The following SUGCT variants were observed in gnomAD, a reference collection of about 807,000 sequenced individuals.
The protein encoded by SUGCT is succinyl-CoA:glutarate CoA-transferase.
In SUGCT, 41 loss-of-function variants were observed where a neutral mutation model predicts 55.0. That is an observed-to-expected ratio of 0.74 (90% CI 0.58 to 0.97). The LOEUF (loss-of-function observed/expected upper bound fraction) is 0.97, where lower values mean the gene tolerates loss of function less well. SUGCT is among the 50% of genes least tolerant of loss of function. SUGCT has a pLI of 0.00. For synonymous variants in SUGCT, 187 were observed against 200.4 expected (o/e 0.93, Z 0.56); for missense variants, 568 against 547.8 (o/e 1.04, Z -0.37).
chr7:40,948,563 G>A, the SUGCT span, among the ~76,000 whole-genome samples: 39 of 152,086 alleles, frequency 2.6e-4, no homozygotes, highest in African/African-American at 6.5e-4. Flanking sequence ...CCATCAACCC[G>A]TCATCTACAC....
intron 6 of SUGCT, among the ~76,000 whole-genome samples, chr7:40,220,492 A>G (rs570531416): frequency 6.6e-6 from 1 of 152,332 alleles, no homozygotes; most frequent in African/African-American, 2.4e-5. Context: ...AAGCCAAGTG[A>G]TAGTCCCTGA....
chr7:40,648,012 C>T (rs1438666282), intron 12 of SUGCT, among the ~76,000 whole-genome samples: 2 of 152,146 alleles, frequency 1.3e-5, no homozygotes, highest in Non-Finnish European at 2.9e-5. Context: ...TGCATATTCA[C>T]AACTATCAGA....
intron 9 of SUGCT, among the ~76,000 whole-genome samples, chr7:40,353,299 C>G (rs1797732213): frequency 6.6e-6 from 1 of 152,074 alleles, no homozygotes; most frequent in South Asian, 2.1e-4. Flanking sequence ...AAAGGGTACT[C>G]ATAGACCAGC....
chr7:40,295,943 TGCC>T (rs1347244962), intron 8 of SUGCT, among the ~76,000 whole-genome samples: 1 of 152,214 alleles, frequency 6.6e-6, no homozygotes, highest in Non-Finnish European at 1.5e-5. Flanking sequence ...TGATTTACTT[TGCC>T]ATGTGTAGGG....
intron 12 of SUGCT, among the ~76,000 whole-genome samples, chr7:40,644,612 C>G (rs1800415593): frequency 2.0e-5 from 3 of 152,216 alleles, no homozygotes; most frequent in Admixed American, 2.0e-4. Context: ...CACAGGCACT[C>G]TCTGCTCAGG....
chr7:40,906,835 A>G, the SUGCT span, among the ~76,000 whole-genome samples: 20 of 152,192 alleles, frequency 1.3e-4, no homozygotes, highest in African/African-American at 4.8e-4. Context: ...AAGCACATTG[A>G]TTGCTGCATA....
intron 12 of SUGCT, among the ~76,000 whole-genome samples, chr7:40,636,310 C>T (rs992220520): frequency 6.6e-6 from 1 of 152,114 alleles, no homozygotes; most frequent in Non-Finnish European, 1.5e-5. Context: ...CCAGAACCCC[C>T]TTGACCTCTA....
At chr7:40,286,029 A>G (rs185885649) in intron 8 of SUGCT, among the ~76,000 whole-genome samples, 22 of 152,328 alleles carry the variant, frequency 1.4e-4, no homozygotes, top group African/African-American at 5.1e-4. Context: ...AATTCCTTTT[A>G]CATATTGATA....
rs138984553 is a variant in SUGCT, at chr7:40,440,145, GT to G, written c.817-9110del. On this transcript the variant is annotated intron_variant, in intron 9 of 13. Coordinates refer to ENST00000335693, the MANE Select transcript of SUGCT (RefSeq NM_001193313.2). Reference sequence around the variant, plus strand: ...TCAAGTTTTTTGTCTGTGTGTGTGTGTTTTTTTTTTTTTTTTTTTTTTTTTT... The same window carrying G: ...TCAAGTTTTTTGTCTGTGTGTGTGTGTTTTTTTTTTTTTTTTTTTTTTTTT... Among the ~76,000 whole-genome samples, 557 of 68,104 alleles carry G rather than the reference GT, an allele frequency of 8.2e-3. 1 individual carries two copies. Among genetic ancestry groups the G allele is most frequent in the Middle Eastern group, 0.01 (1 of 96 alleles). The allele number at this position is 68,104 out of a possible 152,430, so 44.7% of individuals were successfully genotyped here. A position where few individuals can be genotyped will look rare whatever the true frequency, so the allele number is the denominator to read the frequency against.
chr7:40,312,796 G>A (rs1254041117), intron 8 of SUGCT, among the ~76,000 whole-genome samples: 1 of 152,184 alleles, frequency 6.6e-6, no homozygotes, highest in Admixed American at 6.5e-5. Flanking sequence ...TGCATGGTTG[G>A]TGTTCAGTTC....
intron 7 of SUGCT, among the ~76,000 whole-genome samples, chr7:40,251,139 CTTCT>C (rs1464284728): frequency 1.3e-5 from 2 of 152,068 alleles, no homozygotes; most frequent in Admixed American, 1.3e-4. Flanking sequence ...TCATTTCATG[CTTCT>C]TTAACTATTA....
At chr7:40,875,067 C>CTT in the SUGCT span, among the ~76,000 whole-genome samples, 1 of 152,212 alleles carries the variant, frequency 6.6e-6, no homozygotes, top group African/African-American at 2.4e-5. Flanking sequence ...TCCTTGCACT[C>CTT]TGAGTTCTAG....
At chr7:40,466,873 C>T (rs1468961736) in intron 11 of SUGCT, among the ~76,000 whole-genome samples, 2 of 152,128 alleles carry the variant, frequency 1.3e-5, no homozygotes, top group Non-Finnish European at 2.9e-5. Context: ...ATATATCATA[C>T]GTGTAAAAAT....
chr7:41,001,442 C>T, the SUGCT span, among the ~76,000 whole-genome samples: 26 of 152,148 alleles, frequency 1.7e-4, no homozygotes. Flanking sequence ...AAGAAAGAGT[C>T]TACTAAGAAA....
At position 40,514,091 on chromosome 7, in the gene SUGCT, C is replaced by T. The variant is rs147126850; in HGVS notation, c.1089+17705C>T. Among the ~76,000 whole-genome samples the T allele has an allele frequency of 9.1e-4, 138 of 151,886 alleles. 1 individual carries two copies. Among genetic ancestry groups the T allele is most frequent in the African/African-American group, 3.1e-3 (127 of 41,438 alleles). ...AGGTGTGAGTCACCGTGCCCGGCAT[C>T]AGGGAAGTATTTTTATGCAAACTTT... On this transcript the variant is annotated intron_variant, in intron 12 of 13. Coordinates refer to ENST00000335693, the MANE Select transcript of SUGCT (RefSeq NM_001193313.2).
intron 1 of SUGCT, 88 bp downstream of exon 1, chr7:40,135,208 T>A: frequency 2.1e-6 from 3 of 1,397,936 alleles, no homozygotes; most frequent in South Asian, 1.4e-5. Flanking sequence ...AATTAGGGTC[T>A]GAAGTCTCTG....
At chr7:40,630,448 C>A (rs1221252407) in intron 12 of SUGCT, among the ~76,000 whole-genome samples, 1 of 152,042 alleles carries the variant, frequency 6.6e-6, no homozygotes, top group Non-Finnish European at 1.5e-5. Context: ...GAAAGAGCGA[C>A]CAACAGAAAG....
intron 11 of SUGCT, among the ~76,000 whole-genome samples, chr7:40,482,394 CA>C (rs34051346): frequency 0.59 from 89,066 of 151,964 alleles, 29,203 homozygotes; most frequent in African/African-American, 0.9. Context: ...TAAACATCCA[CA>C]ATTTATACAA....
intron 12 of SUGCT, among the ~76,000 whole-genome samples, chr7:40,556,603 A>G (rs1037236693): frequency 3.9e-5 from 6 of 152,104 alleles, no homozygotes; most frequent in Non-Finnish European, 8.8e-5. Context: ...AGGAGCGTGG[A>G]CTCTGTAGCC....
Sources: allele counts gnomAD v4.1 joint callset (sites outside exome capture counted in the v4.1 genomes callset), GRCh38; gene constraint gnomAD v4.1.1; transcripts MANE v1.5; gene names NCBI Gene and HGNC (gene_info 2026-07-23, HGNC 2026-07-21).